The following DPP10 variants were observed in gnomAD, a reference collection of about 807,000 sequenced individuals.
DPP10 encodes inactive dipeptidyl peptidase 10.
DPP10 carries 33 observed loss-of-function variants against 120.9 expected under a neutral mutation model. The ratio of observed to expected loss-of-function variants is 0.27; its 90% CI spans 0.21 to 0.37. The LOEUF is 0.37. DPP10 is among the 10% of genes least tolerant of loss of function. DPP10 has a pLI of 1.00. For missense variants in DPP10, 816 were observed against 942.8 expected, an observed-to-expected ratio of 0.87 and a Z score of 1.76; for synonymous variants, 337 against 326.1, an observed-to-expected ratio of 1.03 and a Z score of -0.36.
intron 2 of DPP10, among the ~76,000 whole-genome samples, chr2:115,315,815 GAC>G (rs1262250023): frequency 1.3e-5 from 2 of 152,072 alleles, no homozygotes; most frequent in East Asian, 3.9e-4. Flanking sequence ...AGAAAACAAT[GAC>G]AGATTCTAAC....
At chr2:115,067,955 T>C (rs538964558) in intron 1 of DPP10, among the ~76,000 whole-genome samples, 2 of 151,898 alleles carry the variant, frequency 1.3e-5, no homozygotes, top group South Asian at 4.2e-4. Context: ...CTGTGTATTT[T>C]CTTTGTCTAT....
chr2:115,753,307 A>G lies in DPP10; in HGVS notation c.1074+10A>G, dbSNP rs747623934. On this transcript the variant is annotated intron_variant, in intron 11 of 25. Coordinates refer to ENST00000410059, the MANE Select transcript of DPP10 (RefSeq NM_020868.6). Reference sequence around the variant, plus strand: ...AGGTGCTTGTAGTAAAGTGAGTATAATTTATTTTTCTTTTATGCCTAAAAT... The same window carrying G: ...AGGTGCTTGTAGTAAAGTGAGTATAGTTTATTTTTCTTTTATGCCTAAAAT... 1.3e-6 allele frequency: 2 copies of G among 1,590,130 alleles called. No homozygotes were observed. Among genetic ancestry groups the G allele is most frequent in the Admixed American group, 1.8e-5 (1 of 56,960 alleles).
At position 115,641,321 on chromosome 2, in the gene DPP10, G is replaced by A. The variant is rs568109623; in HGVS notation, c.442-48366G>A. Among the ~76,000 whole-genome samples the A allele has an allele frequency of 9.9e-5, 15 of 152,180 alleles. No individual in the cohort carries two copies. The South Asian group carries it at 1.9e-3, about 19-fold the overall frequency. ...AGTTTTGCCACGGCATCAAGGCCCC[G>A]CGTGATTTGTCCTCACCTGTTTTCC... On this transcript the variant is annotated intron_variant, in intron 5 of 25. Transcript: ENST00000410059.
intron 4 of DPP10, among the ~76,000 whole-genome samples, chr2:115,500,265 G>A (rs1297110691): frequency 6.6e-6 from 1 of 151,782 alleles, no homozygotes; most frequent in Non-Finnish European, 1.5e-5. Flanking sequence ...TGAAAATCTA[G>A]CTACCCAACA....
chr2:115,826,025 G>GGTCACTTGAGGTTACATTTTGTT (rs1688276746), intron 21 of DPP10, among the ~76,000 whole-genome samples: 2 of 152,220 alleles, frequency 1.3e-5, no homozygotes, highest in African/African-American at 4.8e-5. Context: ...GGTAGCATCA[G>GGTCACTTGAGGTTACATTTTGTT]GTCACTTGAG....
intron 1 of DPP10, among the ~76,000 whole-genome samples, chr2:114,954,499 A>C (rs1020461954): frequency 3.3e-5 from 5 of 152,164 alleles, no homozygotes; most frequent in African/African-American, 1.2e-4. Flanking sequence ...AAGTAAATCA[A>C]AAAAGAAGAA....
chr2:115,592,040 C>G (rs1012342561), intron 5 of DPP10, among the ~76,000 whole-genome samples: 2 of 152,098 alleles, frequency 1.3e-5, no homozygotes, highest in African/African-American at 4.8e-5. Context: ...GATCTTTTCC[C>G]CCTACCTACT....
At chr2:115,472,486 T>A (rs1430351610) in intron 3 of DPP10, among the ~76,000 whole-genome samples, 1 of 152,226 alleles carries the variant, frequency 6.6e-6, no homozygotes. Flanking sequence ...AGATTTTTTT[T>A]ATTTCTTCAC....
At chr2:114,881,638 A>ATCTATCTG (rs1691654715) in intron 1 of DPP10, among the ~76,000 whole-genome samples, 1 of 151,640 alleles carries the variant, frequency 6.6e-6, no homozygotes, top group Non-Finnish European at 1.5e-5. Flanking sequence ...CTATCTATCT[A>ATCTATCTG]TCTATGCTAT....
In DPP10 at chr2:114,581,177, T is replaced by G. The variant is rs1470905324; in HGVS notation, c.60+138339T>G. On this transcript the variant is annotated intron_variant, in intron 1 of 25. Transcript: ENST00000410059. ...ATCATTTTCTTTTTTTCTTCTCTTTTTTTTTTTTTTTTTTTTTTTTTTTGA... is the reference window on the plus strand; with the variant it reads ...ATCATTTTCTTTTTTTCTTCTCTTTGTTTTTTTTTTTTTTTTTTTTTTTGA... Among the ~76,000 whole-genome samples the G allele has an allele frequency of 8.9e-4, 33 of 37,212 alleles. No homozygotes were observed. The East Asian group carries it at 0.033, about 37-fold the overall frequency. The allele number at this position is 37,212 out of a possible 152,430, so 24.4% of individuals were successfully genotyped here.
At chr2:114,803,278 C>G (rs772496627) in intron 1 of DPP10, among the ~76,000 whole-genome samples, 18 of 152,146 alleles carry the variant, frequency 1.2e-4, no homozygotes, top group Non-Finnish European at 2.2e-4. Context: ...AAAGTTAGTC[C>G]TCTATTTCTT....
intron 7 of DPP10, among the ~76,000 whole-genome samples, chr2:115,709,989 A>C (rs181352085): frequency 3.7e-4 from 57 of 152,274 alleles, no homozygotes; most frequent in African/African-American, 1.3e-3. Flanking sequence ...AATGTTAGCG[A>C]AACTGTTGAA....
chr2:115,201,500 C>A (rs1361225243), intron 1 of DPP10, among the ~76,000 whole-genome samples: 1 of 151,918 alleles, frequency 6.6e-6, no homozygotes, highest in African/African-American at 2.4e-5. Context: ...AACATAGAAC[C>A]ATTTGGTGAT....
chr2:115,337,669 A>C (rs2063223222), intron 2 of DPP10, among the ~76,000 whole-genome samples: 2 of 150,320 alleles, frequency 1.3e-5, no homozygotes, highest in South Asian at 4.2e-4. Context: ...CATAAAAAAA[A>C]AAAAAAAAAA....
chr2:114,880,193 A>T (rs965931506), intron 1 of DPP10, among the ~76,000 whole-genome samples: 1 of 152,180 alleles, frequency 6.6e-6, no homozygotes. Flanking sequence ...AGACATCCAC[A>T]ACATAAAGTT....
chr2:115,589,564 G>A lies in DPP10; in HGVS notation c.441+63592G>A, dbSNP rs558032872. Among the ~76,000 whole-genome samples the A allele has an allele frequency of 5.9e-5, 9 of 152,222 alleles. No individual in the cohort carries two copies. The South Asian group carries it at 1.5e-3, about 25-fold the overall frequency. On this transcript the variant is annotated intron_variant, in intron 5 of 25. Transcript: ENST00000410059. ...TTATGAACAATTTAAATCTGGAAGA[G>A]CAAGCAATTATGGTGAATTCTAGAA...
In DPP10 at chr2:114,918,573, A is replaced by G. The variant is rs1694969342; in HGVS notation, c.61-390666A>G. Among the ~76,000 whole-genome samples, 14 of 152,308 alleles carry G rather than the reference A, an allele frequency of 9.2e-5. No homozygotes were observed. The South Asian group carries it at 2.9e-3, about 32-fold the overall frequency. ...ATGCCCACCACTGTTAAACAGCATA[A>G]AGAAAATGCAGCATACATACACCAT... On this transcript the variant is annotated intron_variant, in intron 1 of 25. Coordinates refer to ENST00000410059, the MANE Select transcript of DPP10 (RefSeq NM_020868.6).
intron 1 of DPP10, among the ~76,000 whole-genome samples, chr2:115,069,647 C>A (rs1707209578): frequency 6.6e-6 from 1 of 152,022 alleles, no homozygotes; most frequent in South Asian, 2.1e-4. Context: ...TACATTAACT[C>A]AGCTTTTACT....
intron 1 of DPP10, among the ~76,000 whole-genome samples, chr2:115,235,486 C>T (rs553152872): frequency 6.6e-6 from 1 of 152,090 alleles, no homozygotes; most frequent in Non-Finnish European, 1.5e-5. Context: ...CATTTCAAAG[C>T]TAAGGTTGTG....
Sources: allele counts gnomAD v4.1 joint callset (sites outside exome capture counted in the v4.1 genomes callset), GRCh38; gene constraint gnomAD v4.1.1; transcripts MANE v1.5; gene names NCBI Gene and HGNC (gene_info 2026-07-23, HGNC 2026-07-21).